ASMTL: variants seen among roughly 807,000 people sequenced by gnomAD.
ASMTL encodes the protein probable bifunctional dTTP/UTP pyrophosphatase/methyltransferase protein.
A neutral mutation model predicts 60.3 loss-of-function variants in ASMTL; 57 were observed. The observed-to-expected ratio is 0.95, with a 90% CI of 0.76 to 1.18. The LOEUF is 1.18. Ranked by LOEUF, ASMTL falls within the 50% of genes most tolerant of loss-of-function variation. The pLI is 0.00. For missense variants in ASMTL, 981 were observed against 852.6 expected, an observed-to-expected ratio of 1.15 and a Z score of -1.88; for synonymous variants, 419 against 373.0, an observed-to-expected ratio of 1.12 and a Z score of -1.42.
intron 5 of ASMTL, among the ~76,000 whole-genome samples, chrX:1,433,301 C>G (rs1251693544): frequency 1.3e-5 from 2 of 151,690 alleles, no homozygotes; most frequent in Admixed American, 6.6e-5. Context: ...GTCATGGGAA[C>G]AGGGGGAGGG....
intron 8 of ASMTL, among the ~76,000 whole-genome samples, chrX:1,423,214 A>C (rs1368883944): frequency 2.0e-5 from 3 of 152,124 alleles, no homozygotes; most frequent in Non-Finnish European, 4.4e-5. Flanking sequence ...GGCCTCCCCA[A>C]GTGCTGGGAT....
chrX:1,432,411 C>T lies in ASMTL; in HGVS notation c.401-34G>A, dbSNP rs776823261. 1.8e-5 allele frequency: 28 copies of T among 1,560,254 alleles called. 1 individual carries two copies. Among genetic ancestry groups the T allele is most frequent in the South Asian group, 1.4e-4 (12 of 88,820 alleles). ...ACACAGCCGTGGGGGTGAGCGTGGA[C>T]GCCAGCTTGTCACCTCCGTGCCCTG... is the stretch of plus-strand genomic sequence containing the variant. On this transcript the variant is annotated intron_variant, in intron 5 of 12. Coordinates refer to ENST00000381317, the MANE Select transcript of ASMTL (RefSeq NM_004192.4).
At chrX:1,428,888 T>C (rs1294818184) in intron 6 of ASMTL, among the ~76,000 whole-genome samples, 1 of 116,404 alleles carries the variant, frequency 8.6e-6, no homozygotes, top group African/African-American at 2.8e-5. Context: ...CCTGTCTCAC[T>C]TTTTTATTTT....
chrX:1,453,445 C>A (rs2091446144), upstream of ASMTL, among the ~76,000 whole-genome samples: 1 of 151,976 alleles, frequency 6.6e-6, no homozygotes, highest in African/African-American at 2.4e-5. Flanking sequence ...CCCCGCCCCT[C>A]CCCACCCCGC....
At chrX:1,418,881 T>G (rs1333860360) in intron 10 of ASMTL, 101 bp downstream of exon 10, 12 of 1,460,858 alleles carry the variant, frequency 8.2e-6, no homozygotes, top group Non-Finnish European at 9.4e-6. Flanking sequence ...GTTATCAGGT[T>G]TGTCAATGGA....
rs746674113 is a variant in ASMTL, at chrX:1,405,847, GTAGA to G, written c.1646-2362_1646-2359del. 1.7e-4 allele frequency among the ~76,000 whole-genome samples: 26 copies of G among 148,606 alleles called. No homozygotes were observed. The East Asian group carries it at 2.1e-3, about 12-fold the overall frequency. ...TAGATGGTAGCTGATGGGTACATAG[GTAGA>G]TGGATGGATGGATAGATGGATGCAT... On this transcript the variant is annotated intron_variant, in intron 12 of 12. Transcript: ENST00000381317.
chrX:1,436,827 C>T (rs1164131171), intron 3 of ASMTL, among the ~76,000 whole-genome samples: 12 of 152,206 alleles, frequency 7.9e-5, no homozygotes, highest in Admixed American at 3.3e-4. Context: ...GTTTTGAATC[C>T]TTTTGGGTAC....
intron 12 of ASMTL, among the ~76,000 whole-genome samples, chrX:1,412,399 TGTATTTTTA>T (rs2090063846): frequency 6.6e-6 from 1 of 151,308 alleles, no homozygotes; most frequent in Non-Finnish European, 1.5e-5. Flanking sequence ...GGCTAATTTT[TGTATTTTTA>T]GTAGAGACGG....
At chrX:1,453,355 C>G (rs1273623563), upstream of ASMTL, among the ~76,000 whole-genome samples, 12 of 151,972 alleles carry the variant, frequency 7.9e-5, no homozygotes, top group East Asian at 2.1e-3. Flanking sequence ...CCGCCTCCCC[C>G]CCGGGCACCG....
chrX:1,430,514 T>C lies in ASMTL; in HGVS notation c.509+1755A>G, dbSNP rs144625108. On this transcript the variant is annotated intron_variant, in intron 6 of 12. Coordinates refer to ENST00000381317, the MANE Select transcript of ASMTL (RefSeq NM_004192.4). Reference sequence around the variant, plus strand: ...GCCGCGTGTGTTGGTGCGTGTCCTGTGGTCCCACCTACTCAGGAGGCTTTG... The same window carrying C: ...GCCGCGTGTGTTGGTGCGTGTCCTGCGGTCCCACCTACTCAGGAGGCTTTG... Among the ~76,000 whole-genome samples the C allele has an allele frequency of 9.8e-3, 1,496 of 152,178 alleles. 36 individuals are homozygous for C. Among genetic ancestry groups the C allele is most frequent in the African/African-American group, 0.034 (1,408 of 41,502 alleles).
intron 12 of ASMTL, among the ~76,000 whole-genome samples, chrX:1,411,511 G>C (rs2149270571): frequency 6.6e-6 from 1 of 150,926 alleles, no homozygotes; most frequent in South Asian, 2.1e-4. Context: ...CTGGGCTCCA[G>C]GAGCAGCCTG....
At chrX:1,416,291 G>A (rs1320296396) in intron 11 of ASMTL, among the ~76,000 whole-genome samples, 23 of 110,624 alleles carry the variant, frequency 2.1e-4, no homozygotes, top group Admixed American at 1.5e-3. Context: ...AGACAGGCAC[G>A]CACACAGACG....
At chrX:1,453,255 G>A (rs1351011295), upstream of ASMTL, among the ~76,000 whole-genome samples, 15 of 141,716 alleles carry the variant, frequency 1.1e-4, no homozygotes, top group Non-Finnish European at 1.9e-4. Context: ...CCACGCCCAG[G>A]CCACACCTCC....
chrX:1,441,982 T>G (rs1452348845), intron 2 of ASMTL: 4 of 608,546 alleles, frequency 6.6e-6, no homozygotes, highest in Non-Finnish European at 1.2e-5. Flanking sequence ...CAGTAACAGA[T>G]AAGCTCCATT....
At chrX:1,447,226 T>G (rs2091246216) in intron 1 of ASMTL, among the ~76,000 whole-genome samples, 1 of 152,198 alleles carries the variant, frequency 6.6e-6, no homozygotes, top group Admixed American at 6.5e-5. Flanking sequence ...CTCGTCCTGT[T>G]ATAACTAGAG....
chrX:1,418,110 G>A lies in ASMTL; in HGVS notation c.1385C>T (p.Thr462Met), dbSNP rs374262459. Residue 462 changes from threonine to methionine, a missense_variant, in exon 11 of 13, where the codon ACG (threonine) becomes ATG (methionine). Coordinates refer to ENST00000381317, the MANE Select transcript of ASMTL (RefSeq NM_004192.4). ...FSSACDVGGC[T>M]GALARELARE... ...GGCCAGCTCTCGGGCCAGTGCACCC[G>A]TGCAGCCTGCGGGGAAGCAAATGCA... The A allele has an allele frequency of 4.7e-5, 75 of 1,600,448 alleles. No homozygotes were observed. The African/African-American group carries it at 9.4e-4, about 20-fold the overall frequency.
At chrX:1,427,549 A>C (rs1267923329) in intron 7 of ASMTL, among the ~76,000 whole-genome samples, 185 bp downstream of exon 7, 1 of 152,034 alleles carries the variant, frequency 6.6e-6, no homozygotes, top group African/African-American at 2.4e-5. Context: ...GGATGCCTGG[A>C]GCTGTCAGGA....
intron 1 of ASMTL, 115 bp downstream of exon 1, chrX:1,452,633 T>A: frequency 1.2e-6 from 1 of 835,080 alleles, no homozygotes; most frequent in African/African-American, 1.8e-5. Context: ...CCCCCATCCC[T>A]AAGGGTCTCG....
intron 12 of ASMTL, among the ~76,000 whole-genome samples, chrX:1,412,260 C>T (rs1388684958): frequency 2.6e-5 from 4 of 152,066 alleles, no homozygotes; most frequent in African/African-American, 9.7e-5. Flanking sequence ...CCGAATCTCA[C>T]TCCGTCGCCC....
Sources: allele counts gnomAD v4.1 joint callset (sites outside exome capture counted in the v4.1 genomes callset), GRCh38; gene constraint gnomAD v4.1.1; transcripts MANE v1.5; gene names NCBI Gene and HGNC (gene_info 2026-07-23, HGNC 2026-07-21).